The following ATP11A variants were observed in gnomAD, a reference collection of about 807,000 sequenced individuals.
ATP11A encodes phospholipid-transporting ATPase IH.
Under a neutral mutation model 154.4 loss-of-function variants are expected in ATP11A, and 81 were observed. The ratio of observed to expected loss-of-function variants is 0.52; its 90% CI spans 0.44 to 0.63. ATP11A has a LOEUF of 0.63. Among genes scored for constraint, ATP11A ranks in the 30% least tolerant of loss-of-function variants. The probability of loss-of-function intolerance (pLI) is 0.00; values close to 1 mark genes in which losing one functional copy is unlikely to be tolerated. For missense variants in ATP11A, 1,316 were observed against 1,474.3 expected, an observed-to-expected ratio of 0.89 and a Z score of 1.76; for synonymous variants, 623 against 585.9, an observed-to-expected ratio of 1.06 and a Z score of -0.91.
rs1283863119 is a variant in ATP11A at position 112,697,442 on chromosome 13, A to G, written c.39+6987A>G. 2.0e-5 allele frequency among the ~76,000 whole-genome samples: 3 copies of G among 152,134 alleles called. No individual in the cohort carries two copies. Among genetic ancestry groups the G allele is most frequent in the Non-Finnish European group, 4.4e-5 (3 of 68,026 alleles). ...TCATTAGTGTTAATCAGAGTGATGA[A>G]GAGGTTGCCATTGGCAATTCGGAAG... On this transcript the variant is annotated intron_variant, in intron 1 of 29. Transcript: ENST00000375645. This position sits in a 1 kb window ranked among gnomAD's most constrained non-coding sequence, Gnocchi z 4.0.
At chr13:112,813,689 T>C (rs952457132) in intron 5 of ATP11A, among the ~76,000 whole-genome samples, 3 of 152,130 alleles carry the variant, frequency 2.0e-5, no homozygotes, top group Non-Finnish European at 2.9e-5. Flanking sequence ...GCCAAATGGT[T>C]TTCCAGCATG....
intron 2 of ATP11A, among the ~76,000 whole-genome samples, chr13:112,802,766 A>G (rs2140123263): frequency 6.6e-6 from 1 of 152,298 alleles, no homozygotes; most frequent in African/African-American, 2.4e-5. Context: ...GAAAATTGAT[A>G]AGTTGGACTT....
chr13:112,823,652 T>C (rs1469318537), intron 9 of ATP11A, among the ~76,000 whole-genome samples: 2 of 152,228 alleles, frequency 1.3e-5, no homozygotes, highest in African/African-American at 2.4e-5. Flanking sequence ...AAACAGAACA[T>C]TGCATCCGTG....
At chr13:112,728,734 A>G (rs770577831) in intron 1 of ATP11A, among the ~76,000 whole-genome samples, 2 of 152,206 alleles carry the variant, frequency 1.3e-5, no homozygotes, top group Non-Finnish European at 2.9e-5. Context: ...ATTAGTATTC[A>G]TGGACCTTTA....
intron 1 of ATP11A, among the ~76,000 whole-genome samples, chr13:112,749,837 G>A (rs1461033357): frequency 7.4e-6 from 1 of 134,542 alleles, no homozygotes; most frequent in Non-Finnish European, 1.6e-5. Flanking sequence ...TTCTGTCTTA[G>A]GGAAGGAGAG....
intron 18 of ATP11A, among the ~76,000 whole-genome samples, chr13:112,852,726 G>T (rs568743210): frequency 6.6e-6 from 1 of 150,476 alleles, no homozygotes; most frequent in Non-Finnish European, 1.5e-5. Flanking sequence ...TGGGGCGGGG[G>T]GCAGGTTGAC....
Position 112,773,748 on chromosome 13 carries a change from G to C in ATP11A, c.40-11387G>C, listed in dbSNP as rs1388951444. ...GCAGAACAGGGTGTTTTTAGTCGTG[G>C]TGCCCTCTGTGTGGCACCTGCCAAC... On this transcript the variant is annotated intron_variant, in intron 1 of 29. Coordinates refer to ENST00000375645, the MANE Select transcript of ATP11A (RefSeq NM_015205.3). Among the ~76,000 whole-genome samples, 3 of 152,358 alleles carry C rather than the reference G, an allele frequency of 2.0e-5. No individual in the cohort carries two copies. In the Middle Eastern group the frequency reaches 0.01, roughly 522 times the overall value.
chr13:112,765,223 G>A (rs2077047527), intron 1 of ATP11A, among the ~76,000 whole-genome samples: 1 of 151,202 alleles, frequency 6.6e-6, no homozygotes, highest in African/African-American at 2.4e-5. Flanking sequence ...AGACAGGAGA[G>A]GTGAGGAGGA....
chr13:112,881,427 C>G (rs12585036), intron 29 of ATP11A: 4 of 1,045,394 alleles, frequency 3.8e-6, no homozygotes. Flanking sequence ...GCCTTTTGTT[C>G]AAGGGTCTCT....
At chr13:112,711,100 C>T (rs1319393573) in intron 1 of ATP11A, among the ~76,000 whole-genome samples, 1 of 152,112 alleles carries the variant, frequency 6.6e-6, no homozygotes, top group African/African-American at 2.4e-5. Context: ...GAGGCAGGAT[C>T]CCAGGGGACC....
At chr13:112,755,044 C>T (rs552810282) in intron 1 of ATP11A, among the ~76,000 whole-genome samples, 121 of 152,374 alleles carry the variant, frequency 7.9e-4, no homozygotes, top group African/African-American at 2.9e-3. Context: ...AGGGCGCCGT[C>T]GTCAGTCCAT....
chr13:112,803,515 C>T (rs60689741), intron 2 of ATP11A, among the ~76,000 whole-genome samples: 31,675 of 152,074 alleles, frequency 0.21, 3,585 homozygotes, highest in African/African-American at 0.3. Context: ...GTCTTCATTA[C>T]GGCGTAAAAA....
rs541054213 is a variant in ATP11A at position 112,765,374 on chromosome 13, G to C, written c.40-19761G>C. ...GCCTTGTTTTCTGGTCCTGGCCTGG[G>C]GGGGTCGTGGTCTCGCTGGTGCAGC... On this transcript the variant is annotated intron_variant, in intron 1 of 29. Transcript: ENST00000375645. 7.2e-5 allele frequency among the ~76,000 whole-genome samples: 11 copies of C among 152,320 alleles called. No individual in the cohort carries two copies. In the South Asian group the frequency reaches 2.3e-3, roughly 32 times the overall value.
chr13:112,690,380 G>GGCGCTGAACGGCGGAGCGGGA lies in ATP11A; in HGVS notation c.-33_-13dup. 7.9e-7 allele frequency: 1 copy of GGCGCTGAACGGCGGAGCGGGA among 1,265,546 alleles called. No individual in the cohort carries two copies. The highest frequency in any genetic ancestry group is 9.9e-7 in the Non-Finnish European group (1 of 1,006,230). 78.4% of individuals were successfully genotyped at this position (1,265,546 alleles called of 1,614,324 possible). On this transcript the variant is annotated 5_prime_UTR_variant, in exon 1 of 30. Transcript: ENST00000375645. The surrounding 1 kb of genome is among the most constrained non-coding windows in gnomAD (Gnocchi z 5.6). ...ATGGGCGCGCCGAGCCGGGCGCGGGGGCGCTGAACGGCGGAGCGGGAGCGG... is the reference window on the plus strand; with the variant it reads ...ATGGGCGCGCCGAGCCGGGCGCGGGGGCGCTGAACGGCGGAGCGGGAGCGCTGAACGGCGGAGCGGGAGCGG...
At chr13:112,721,100 T>C (rs1000336302) in intron 1 of ATP11A, among the ~76,000 whole-genome samples, 8 of 152,094 alleles carry the variant, frequency 5.3e-5, no homozygotes. Context: ...AAAGGGTGTA[T>C]GTAAGGCCAG....
Position 112,704,367 on chromosome 13 carries a change from C to T in ATP11A, c.39+13912C>T, listed in dbSNP as rs138149737. Reference sequence around the variant, plus strand: ...TGTTGGAGGAATTATGGGTACTTTGCGCTCTCTTTCACTGAAAATGCAAGG... The same window carrying T: ...TGTTGGAGGAATTATGGGTACTTTGTGCTCTCTTTCACTGAAAATGCAAGG... On this transcript the variant is annotated intron_variant, in intron 1 of 29. Coordinates refer to ENST00000375645, the MANE Select transcript of ATP11A (RefSeq NM_015205.3). Among the ~76,000 whole-genome samples the T allele has an allele frequency of 5.3e-3, 805 of 152,324 alleles. 6 individuals are homozygous for T. Among genetic ancestry groups the T allele is most frequent in the African/African-American group, 0.018 (762 of 41,576 alleles).
intron 24 of ATP11A, chr13:112,860,696 G>A (rs527927301): frequency 3.7e-5 from 11 of 294,634 alleles, no homozygotes; most frequent in African/African-American, 1.7e-4. Flanking sequence ...GGGAGCTGGG[G>A]TACAAGCGTC....
intron 1 of ATP11A, among the ~76,000 whole-genome samples, chr13:112,751,585 G>A (rs965031172): frequency 2.0e-5 from 3 of 152,174 alleles, no homozygotes; most frequent in Admixed American, 2.0e-4. Context: ...ACTTGAACCC[G>A]GAAGGTGGAG....
rs1426364726 is a variant in ATP11A at position 112,720,482 on chromosome 13, G to T, written c.39+30027G>T. 2.0e-5 allele frequency among the ~76,000 whole-genome samples: 3 copies of T among 152,366 alleles called. No individual in the cohort carries two copies. In the East Asian group the frequency reaches 5.8e-4, roughly 29 times the overall value. On this transcript the variant is annotated intron_variant, in intron 1 of 29. Coordinates refer to ENST00000375645, the MANE Select transcript of ATP11A (RefSeq NM_015205.3). Reference sequence around the variant, plus strand: ...TCTGCTGTGGCCGCGGGTCCCGTGAGCCTGGGTTGAGGCAAAGAGGTTGTG... The same window carrying T: ...TCTGCTGTGGCCGCGGGTCCCGTGATCCTGGGTTGAGGCAAAGAGGTTGTG...
Sources: gnomAD v4.1 joint callset for allele counts (sites outside exome capture counted in the v4.1 genomes callset) on GRCh38, gnomAD v4.1.1 for gene constraint, Gnocchi (gnomAD v3.1) non-coding constraint, MANE v1.5 for transcripts, NCBI Gene and HGNC (gene_info 2026-07-23, HGNC 2026-07-21) for gene names.